Variants in NCAM1 observed in about 807,000 individuals in gnomAD.
NCAM1 encodes the protein neural cell adhesion molecule 1, also known as antigen recognized by monoclonal antibody 5.1H11.
Under a neutral mutation model 109.8 loss-of-function variants are expected in NCAM1, and 14 were observed. That is an observed-to-expected ratio of 0.13 (90% confidence interval 0.08 to 0.20). The LOEUF is 0.20. Among genes scored for constraint, NCAM1 ranks in the 10% least tolerant of loss-of-function variants. The probability of loss-of-function intolerance (pLI) is 1.00; values close to 1 mark genes in which losing one functional copy is unlikely to be tolerated. For synonymous variants in NCAM1, 418 were observed against 442.9 expected (o/e 0.94, Z 0.70); for missense variants, 774 against 1,109.9 (o/e 0.70, Z 4.30).
chr11:113,073,428 C>A (rs1447197083), intron 1 of NCAM1, among the ~76,000 whole-genome samples: 1 of 152,178 alleles, frequency 6.6e-6, no homozygotes, highest in Non-Finnish European at 1.5e-5. Flanking sequence ...GTTTAGGAAA[C>A]ATTTCCATAT....
intron 12 of NCAM1, 142 bp downstream of exon 12, chr11:113,232,956 G>A (rs1323634139): frequency 1.0e-6 from 1 of 963,690 alleles, no homozygotes; most frequent in African/African-American, 1.6e-5. Context: ...TTGGGAAGCT[G>A]GGAGCCATTG....
intron 1 of NCAM1, among the ~76,000 whole-genome samples, chr11:113,100,633 C>T (rs1939831054): frequency 6.6e-6 from 1 of 152,100 alleles, no homozygotes; most frequent in African/African-American, 2.4e-5. Flanking sequence ...TCAGCTGCCT[C>T]TTTGACATTC....
chr11:113,206,204 A>T (rs1401991783), intron 5 of NCAM1, 24 bp downstream of exon 5: 2 of 1,584,446 alleles, frequency 1.3e-6, no homozygotes, highest in Non-Finnish European at 1.7e-6. Flanking sequence ...GTTCTTCCTG[A>T]TCTCTGCATT....
chr11:113,063,237 C>G (rs1937763139), intron 1 of NCAM1, among the ~76,000 whole-genome samples: 1 of 152,178 alleles, frequency 6.6e-6, no homozygotes, highest in Non-Finnish European at 1.5e-5. Context: ...ATGGCTGTTC[C>G]AGTGGTTTGC....
At chr11:113,032,770 A>C (rs1393650691) in intron 1 of NCAM1, among the ~76,000 whole-genome samples, 1 of 152,144 alleles carries the variant, frequency 6.6e-6, no homozygotes, top group Non-Finnish European at 1.5e-5. Flanking sequence ...GTGGAAGTGG[A>C]GGTTTTGTTT....
chr11:113,024,949 G>A (rs1238775810), intron 1 of NCAM1, among the ~76,000 whole-genome samples: 1 of 152,218 alleles, frequency 6.6e-6, no homozygotes, highest in Non-Finnish European at 1.5e-5. Context: ...CTGTTCATTT[G>A]CCAGGTATGG....
chr11:113,105,379 A>G (rs1555092335), intron 1 of NCAM1, among the ~76,000 whole-genome samples: 1 of 152,192 alleles, frequency 6.6e-6, no homozygotes, highest in Non-Finnish European at 1.5e-5. Flanking sequence ...ATAACATAAC[A>G]TATTTCTTTC....
intron 1 of NCAM1, among the ~76,000 whole-genome samples, chr11:112,986,823 A>C (rs1555069729): frequency 6.6e-6 from 1 of 151,398 alleles, no homozygotes; most frequent in Non-Finnish European, 1.5e-5. Context: ...ACTTTTGTCA[A>C]TTTTTATCTT....
At chr11:113,248,624 G>A (rs553566617) in intron 15 of NCAM1, among the ~76,000 whole-genome samples, 2 of 152,100 alleles carry the variant, frequency 1.3e-5, no homozygotes, top group Non-Finnish European at 2.9e-5. Flanking sequence ...GATGTTCCCT[G>A]TCCACCTTGT....
rs3051887 is a variant in NCAM1 at position 113,121,537 on chromosome 11, C to CAAAAAAAA, written c.53-80828_53-80821dup. Among the ~76,000 whole-genome samples the CAAAAAAAA allele has an allele frequency of 1.5e-4, 14 of 92,372 alleles. 1 individual carries two copies. Among genetic ancestry groups the CAAAAAAAA allele is most frequent in the South Asian group, 4.4e-4 (1 of 2,256 alleles). The allele number at this position is 92,372 out of a possible 152,430, so 60.6% of individuals were successfully genotyped here. A position where few individuals can be genotyped will look rare whatever the true frequency, so the allele number is the denominator to read the frequency against. On this transcript the variant is annotated intron_variant, in intron 1 of 19. Coordinates refer to ENST00000316851, the MANE Select transcript of NCAM1 (RefSeq NM_181351.5). The stretch of plus-strand genomic sequence containing the variant: ...TGCCTGGCCAACACCACCAATCTTA[C>CAAAAAAAA]AAAAAAAAAAAAAAAAAAAAAGGCA...
Position 113,013,734 on chromosome 11 carries a change from C to A in NCAM1, c.52+52070C>A, listed in dbSNP as rs139999233. Among the ~76,000 whole-genome samples, 1,386 of 152,190 alleles carry A rather than the reference C, an allele frequency of 9.1e-3. 9 individuals carry two copies. The highest frequency in any genetic ancestry group is 0.031 in the Middle Eastern group (9 of 294). ...ATTGCAAGACTGTGTGTTATATTAG[C>A]CAAGTTAAAGTCAATATTAGCCAAG... On this transcript the variant is annotated intron_variant, in intron 1 of 19. Transcript: ENST00000316851.
Position 113,233,285 on chromosome 11 carries a change from T to G in NCAM1, c.1661T>G (p.Val554Gly). Residue 554 changes from valine to glycine, a missense_variant, in exon 13 of 20, where the codon GTA becomes GGA. This residue lies in a region of NCAM1 where 523 missense variants were observed against 784.2 expected (regional missense o/e 0.67). Transcript: ENST00000316851. The surrounding 1 kb of genome is among the most constrained non-coding windows in gnomAD (Gnocchi z 4.5). Reference sequence around the variant, plus strand: ...GAGTGGAGAGCAGTTGGTGAAGAAGTATGGCATTCCAAGTGGTATGATGCC... The same window carrying G: ...GAGTGGAGAGCAGTTGGTGAAGAAGGATGGCATTCCAAGTGGTATGATGCC... ...KAEWRAVGEEVWHSKWYDAKE... is the reference protein window; with the variant it reads ...KAEWRAVGEEGWHSKWYDAKE... The G allele has an allele frequency of 6.2e-7, 1 of 1,613,558 alleles. No homozygotes were observed. Among genetic ancestry groups the G allele is most frequent in the Admixed American group, 1.7e-5 (1 of 59,980 alleles).
chr11:113,230,833 G>C (rs1304048236), intron 9 of NCAM1, among the ~76,000 whole-genome samples: 1 of 152,180 alleles, frequency 6.6e-6, no homozygotes, highest in Non-Finnish European at 1.5e-5. Context: ...AGAATGTCAA[G>C]GGGAAATCCC....
intron 15 of NCAM1, among the ~76,000 whole-genome samples, chr11:113,252,537 A>T (rs1237854053): frequency 6.6e-6 from 1 of 152,116 alleles, no homozygotes; most frequent in Non-Finnish European, 1.5e-5. Context: ...TACCTTTGAG[A>T]CTTCAGTGCC....
intron 1 of NCAM1, among the ~76,000 whole-genome samples, chr11:113,135,864 G>T (rs372180728): frequency 7.9e-5 from 12 of 152,288 alleles, no homozygotes; most frequent in African/African-American, 2.9e-4. Context: ...TGGGTCTAGG[G>T]AGTACCTCTT....
rs529897741 is a variant in NCAM1, at chr11:113,090,943, GTTT to G, written c.53-111434_53-111432del. On this transcript the variant is annotated intron_variant, in intron 1 of 19. Transcript: ENST00000316851. ...CTCTTGAGCTCACATCCTAGTAGAA[GTTT>G]TGAACAATAGACAGTAAACATAATA... is the stretch of plus-strand genomic sequence containing the variant. Among the ~76,000 whole-genome samples the G allele has an allele frequency of 8.8e-4, 134 of 152,256 alleles. 1 individual carries two copies. The highest frequency in any genetic ancestry group is 1.7e-3 in the Non-Finnish European group (119 of 68,012).
chr11:113,214,991 G>C (rs1944488444), intron 8 of NCAM1, among the ~76,000 whole-genome samples: 1 of 152,198 alleles, frequency 6.6e-6, no homozygotes, highest in African/African-American at 2.4e-5. Flanking sequence ...GGTTGCCATT[G>C]TGTCTGCCTG....
At chr11:113,245,614 G>C (rs577516514) in intron 14 of NCAM1, among the ~76,000 whole-genome samples, 1 of 152,266 alleles carries the variant, frequency 6.6e-6, no homozygotes, top group East Asian at 1.9e-4. Context: ...TATGGGTCTT[G>C]ACTTCAGGGA....
intron 1 of NCAM1, among the ~76,000 whole-genome samples, chr11:113,039,322 G>A (rs1443659056): frequency 3.3e-5 from 5 of 152,182 alleles, no homozygotes; most frequent in East Asian, 1.9e-4. Context: ...CTTACTGGAC[G>A]TGAGAGTTTG....
Sources: allele counts gnomAD v4.1 joint callset (sites outside exome capture counted in the v4.1 genomes callset), GRCh38; gene constraint gnomAD v4.1.1; regional missense constraint gnomAD v4.1.1; non-coding constraint Gnocchi (gnomAD v3.1); transcripts MANE v1.5; gene names NCBI Gene and HGNC (gene_info 2026-07-23, HGNC 2026-07-21).